ZSWIM6: variants seen among roughly 807,000 people sequenced by gnomAD.
ZSWIM6 encodes zinc finger SWIM domain-containing protein 6.
ZSWIM6 carries 9 observed loss-of-function variants against 113.2 expected under a neutral mutation model. The observed-to-expected ratio is 0.08, with a 90% CI of 0.05 to 0.14. ZSWIM6 has a LOEUF of 0.14. Among genes scored for constraint, ZSWIM6 ranks in the 10% least tolerant of loss-of-function variants. The pLI is 1.00. For missense variants in ZSWIM6, 1,162 were observed against 1,552.2 expected (o/e 0.75, Z 4.22); for synonymous variants, 611 against 606.5 (o/e 1.01, Z -0.11).
intron 1 of ZSWIM6, among the ~76,000 whole-genome samples, chr5:61,461,549 C>A (rs1747324067): frequency 6.6e-6 from 1 of 152,090 alleles, no homozygotes; most frequent in African/African-American, 2.4e-5. Context: ...GGTTCAGCAT[C>A]CAGTGGAAAG....
intron 9 of ZSWIM6, among the ~76,000 whole-genome samples, chr5:61,533,949 T>G (rs1749510970): frequency 6.6e-6 from 1 of 152,228 alleles, no homozygotes; most frequent in Non-Finnish European, 1.5e-5. Context: ...TGTCTTCACA[T>G]GACAGAGAGA....
intron 2 of ZSWIM6, among the ~76,000 whole-genome samples, chr5:61,482,219 T>C (rs1182243651): frequency 1.3e-5 from 2 of 152,180 alleles, no homozygotes; most frequent in African/African-American, 4.8e-5. Flanking sequence ...TCAAGACATG[T>C]TAGGATTTAA....
At chr5:61,531,371 A>G (rs1036095076) in intron 8 of ZSWIM6, 94 bp from the exon 9 acceptor site, 26 of 1,384,020 alleles carry the variant, frequency 1.9e-5, no homozygotes, top group African/African-American at 2.9e-5. Flanking sequence ...TCCATAATTC[A>G]TTTGCTTGTA....
intron 9 of ZSWIM6, among the ~76,000 whole-genome samples, chr5:61,535,220 T>C (rs1749543721): frequency 6.6e-6 from 1 of 152,188 alleles, no homozygotes; most frequent in South Asian, 2.1e-4. Flanking sequence ...GGCACTTGTA[T>C]TGTGAATGCT....
chr5:61,352,348 AATATGT>A (rs1296748523), intron 1 of ZSWIM6, among the ~76,000 whole-genome samples: 1 of 152,246 alleles, frequency 6.6e-6, no homozygotes, highest in African/African-American at 2.4e-5. Context: ...TATGTGTGTG[AATATGT>A]ATATGTACAT....
At chr5:61,433,078 C>T (rs1373502508) in intron 1 of ZSWIM6, among the ~76,000 whole-genome samples, 1 of 152,076 alleles carries the variant, frequency 6.6e-6, no homozygotes, top group Non-Finnish European at 1.5e-5. Flanking sequence ...CCTGTTAATG[C>T]AAATAAATGG....
intron 1 of ZSWIM6, among the ~76,000 whole-genome samples, chr5:61,427,182 T>C (rs1561232930): frequency 6.6e-6 from 1 of 152,244 alleles, no homozygotes; most frequent in Non-Finnish European, 1.5e-5. Flanking sequence ...TTGGTGTTTA[T>C]ATATACAGTC....
At chr5:61,442,918 A>T (rs1746870789) in intron 1 of ZSWIM6, among the ~76,000 whole-genome samples, 1 of 152,228 alleles carries the variant, frequency 6.6e-6, no homozygotes, top group Admixed American at 6.5e-5. Context: ...CAGACTGAAC[A>T]ATCAGCAATG....
At chr5:61,510,318 G>T (rs898528830) in intron 4 of ZSWIM6, among the ~76,000 whole-genome samples, 3 of 151,986 alleles carry the variant, frequency 2.0e-5, no homozygotes, top group African/African-American at 7.2e-5. Flanking sequence ...TGCCGAGTAT[G>T]GGTTCTTGTC....
At chr5:61,406,965 A>C (rs367894090) in intron 1 of ZSWIM6, among the ~76,000 whole-genome samples, 2 of 152,278 alleles carry the variant, frequency 1.3e-5, no homozygotes, top group South Asian at 2.1e-4. Flanking sequence ...CACCCACCTC[A>C]GCCTCCCAAA....
chr5:61,416,287 C>T (rs1436264652), intron 1 of ZSWIM6, among the ~76,000 whole-genome samples: 3 of 152,174 alleles, frequency 2.0e-5, no homozygotes, highest in Non-Finnish European at 4.4e-5. Flanking sequence ...CTTGGGATTT[C>T]CCTACTAGTG....
At chr5:61,442,924 C>T (rs1413212918) in intron 1 of ZSWIM6, among the ~76,000 whole-genome samples, 3 of 152,174 alleles carry the variant, frequency 2.0e-5, no homozygotes, top group Non-Finnish European at 2.9e-5. Context: ...GAACAATCAG[C>T]AATGCTTCAA....
intron 1 of ZSWIM6, among the ~76,000 whole-genome samples, chr5:61,340,833 A>T (rs889484895): frequency 6.6e-6 from 1 of 152,230 alleles, no homozygotes; most frequent in Non-Finnish European, 1.5e-5. Context: ...ATAGCATTTT[A>T]GTTTCAGGCT....
intron 2 of ZSWIM6, among the ~76,000 whole-genome samples, chr5:61,481,081 T>A (rs1000083412): frequency 3.3e-5 from 5 of 152,230 alleles, no homozygotes; most frequent in African/African-American, 1.2e-4. Context: ...AAAACGGTGT[T>A]ACTGTGGCAG....
At position 61,531,570 on chromosome 5, in the gene ZSWIM6, T is replaced by C. The variant is rs1472409948; in HGVS notation, c.2090T>C (p.Ile697Thr). The C allele has an allele frequency of 6.4e-7, 1 of 1,551,660 alleles. No homozygotes were observed. The highest frequency in any genetic ancestry group is 1.2e-5 in the South Asian group (1 of 84,062). ...YLTLAVEVAL[I>T]GLGQQRIMPD... The stretch of plus-strand genomic sequence containing the variant: ...ACGCTGGCTGTGGAAGTAGCCCTGA[T>C]AGGGCTAGGACAGCAGCGTATCATG... Residue 697 changes from isoleucine (I) to threonine (T), a missense_variant, in exon 9 of 14, where the codon ATA becomes ACA. Ile to Thr is a moderately conservative substitution (Grantham distance 89, BLOSUM62 -1). Around this residue, in one of 4 missense-constraint regions of ZSWIM6, gnomAD observed 620 missense variants for 804.6 expected, o/e 0.77. Transcript: ENST00000252744.
intron 1 of ZSWIM6, among the ~76,000 whole-genome samples, chr5:61,405,457 G>T (rs1055117541): frequency 6.6e-6 from 1 of 152,058 alleles, no homozygotes; most frequent in Non-Finnish European, 1.5e-5. Flanking sequence ...CACCATCATC[G>T]TCATGGAGAG....
chr5:61,407,565 A>G (rs1368556224), intron 1 of ZSWIM6, among the ~76,000 whole-genome samples: 1 of 152,222 alleles, frequency 6.6e-6, no homozygotes, highest in East Asian at 1.9e-4. Context: ...TTCTTAAAAT[A>G]TATAAAAAAG....
intron 1 of ZSWIM6, among the ~76,000 whole-genome samples, chr5:61,448,714 C>A: frequency 6.6e-6 from 1 of 151,712 alleles, no homozygotes; most frequent in South Asian, 2.1e-4. Flanking sequence ...ACACACTGAA[C>A]CAAGAAATAT....
intron 1 of ZSWIM6, among the ~76,000 whole-genome samples, chr5:61,340,002 C>T (rs1410320155): frequency 6.6e-6 from 1 of 152,172 alleles, no homozygotes; most frequent in Non-Finnish European, 1.5e-5. Context: ...GTTTGTCAAT[C>T]CTACCCAGAT....
Sources: allele counts gnomAD v4.1 joint callset (sites outside exome capture counted in the v4.1 genomes callset), GRCh38; gene constraint gnomAD v4.1.1; regional missense constraint gnomAD v4.1.1; transcripts MANE v1.5; gene names NCBI Gene and HGNC (gene_info 2026-07-23, HGNC 2026-07-21).